Variants in LINGO2 observed in about 807,000 individuals in gnomAD.
LINGO2 encodes the protein leucine-rich repeat and immunoglobulin-like domain-containing nogo receptor-interacting protein 2.
A neutral mutation model predicts 30.6 loss-of-function variants in LINGO2; 14 were observed. That is an observed-to-expected ratio of 0.46 (90% confidence interval 0.30 to 0.72). The LOEUF is 0.72. LINGO2 is among the 30% of genes least tolerant of loss of function. The pLI is 0.07. For synonymous variants in LINGO2, 317 were observed against 288.5 expected, an observed-to-expected ratio of 1.10 and a Z score of -1.00; for missense variants, 729 against 751.7, an observed-to-expected ratio of 0.97 and a Z score of 0.35.
intron 3 of LINGO2, among the ~76,000 whole-genome samples, chr9:28,326,316 T>C (rs1485620002): frequency 1.3e-5 from 2 of 152,204 alleles, no homozygotes; most frequent in African/African-American, 2.4e-5. Flanking sequence ...CAAACTGTTT[T>C]TATAATGCTG....
intron 3 of LINGO2, among the ~76,000 whole-genome samples, chr9:28,319,643 T>C (rs1440111801): frequency 6.6e-6 from 1 of 152,112 alleles, no homozygotes; most frequent in Non-Finnish European, 1.5e-5. Context: ...TCCTGTTATA[T>C]GACATTTGGA....
chr9:28,268,189 T>C (rs939550523), intron 4 of LINGO2, among the ~76,000 whole-genome samples: 5 of 152,054 alleles, frequency 3.3e-5, no homozygotes, highest in African/African-American at 1.2e-4. Flanking sequence ...TGCTCTTGAT[T>C]TTCTGTAGCC....
the LINGO2 span, among the ~76,000 whole-genome samples, chr9:29,177,537 C>A: frequency 6.6e-6 from 1 of 151,990 alleles, no homozygotes; most frequent in African/African-American, 2.4e-5. Flanking sequence ...TCTTCAGGAA[C>A]CCAGAAAAAA....
intron 2 of LINGO2, among the ~76,000 whole-genome samples, chr9:28,472,536 A>G (rs1825565314): frequency 6.6e-6 from 1 of 152,158 alleles, no homozygotes; most frequent in African/African-American, 2.4e-5. Flanking sequence ...CGTTTAAAGA[A>G]TAAGTAATTT....
chr9:28,175,191 T>C (rs1198452002), intron 4 of LINGO2, among the ~76,000 whole-genome samples: 2 of 152,120 alleles, frequency 1.3e-5, no homozygotes, highest in African/African-American at 4.8e-5. Flanking sequence ...AATACCAGCC[T>C]GCAACAGCAA....
At chr9:28,282,410 A>G (rs964439187) in intron 4 of LINGO2, among the ~76,000 whole-genome samples, 1 of 146,226 alleles carries the variant, frequency 6.8e-6, no homozygotes, top group African/African-American at 2.6e-5. Context: ...CTTTCAGGAT[A>G]GTTTTTTTTT....
the LINGO2 span, among the ~76,000 whole-genome samples, chr9:29,145,117 T>G: frequency 2.6e-5 from 4 of 152,298 alleles, no homozygotes; most frequent in African/African-American, 9.6e-5. Context: ...ATAATTTACA[T>G]GAAGTAGAAT....
At chr9:29,059,484 A>G in the LINGO2 span, among the ~76,000 whole-genome samples, 1 of 151,726 alleles carries the variant, frequency 6.6e-6, no homozygotes, top group African/African-American at 2.4e-5. Context: ...TCAGACCTAC[A>G]ATAAACCACA....
chr9:28,060,094 A>T (rs984878854), intron 4 of LINGO2, among the ~76,000 whole-genome samples: 3 of 152,182 alleles, frequency 2.0e-5, no homozygotes, highest in African/African-American at 7.2e-5. Context: ...AGAATACATA[A>T]ATATGTAGTC....
rs1000511254 is a variant in LINGO2, at chr9:28,637,522, G to A, written c.-365+32678C>T. On this transcript the variant is annotated intron_variant, in intron 1 of 5. Coordinates refer to ENST00000379992, the Ensembl canonical transcript of LINGO2. ...TGAGCAGTGTTTTGTAATTCTCCTT[G>A]AAGAGGTCCTTCACATCACTTGTAA... 3.7e-4 allele frequency among the ~76,000 whole-genome samples: 56 copies of A among 152,040 alleles called. 1 individual carries two copies. The highest frequency in any genetic ancestry group is 2.9e-5 in the Non-Finnish European group (2 of 68,008).
the LINGO2 span, among the ~76,000 whole-genome samples, chr9:29,079,179 A>G: frequency 6.6e-6 from 1 of 151,908 alleles, no homozygotes; most frequent in African/African-American, 2.4e-5. Context: ...TGCTCTGTGG[A>G]TGAGCTGGAA....
chr9:29,075,838 G>C, the LINGO2 span, among the ~76,000 whole-genome samples: 1 of 152,078 alleles, frequency 6.6e-6, no homozygotes, highest in African/African-American at 2.4e-5. Context: ...AATTAATGCA[G>C]TGGTAGTGGT....
the LINGO2 span, among the ~76,000 whole-genome samples, chr9:29,171,016 C>T: frequency 6.6e-6 from 1 of 151,906 alleles, no homozygotes; most frequent in Non-Finnish European, 1.5e-5. Context: ...CTTTTCTTTA[C>T]TGTTTTGTCT....
At chr9:29,003,044 C>T in the LINGO2 span, among the ~76,000 whole-genome samples, 5 of 152,006 alleles carry the variant, frequency 3.3e-5, no homozygotes, top group African/African-American at 1.2e-4. Context: ...ATGAACACTA[C>T]GTGAAAATAC....
chr9:28,816,554 T>C, the LINGO2 span, among the ~76,000 whole-genome samples: 3 of 152,168 alleles, frequency 2.0e-5, no homozygotes, highest in Admixed American at 6.5e-5. Context: ...TCATTCATAG[T>C]GGCTAATTTT....
chr9:28,216,999 T>C (rs925679227), intron 4 of LINGO2, among the ~76,000 whole-genome samples: 4 of 151,814 alleles, frequency 2.6e-5, no homozygotes, highest in African/African-American at 9.7e-5. Context: ...AAAACTGTAA[T>C]GCCCTTGTTT....
chr9:28,957,158 A>T, the LINGO2 span, among the ~76,000 whole-genome samples: 1 of 152,072 alleles, frequency 6.6e-6, no homozygotes, highest in Non-Finnish European at 1.5e-5. Context: ...GTCTCTTTGG[A>T]TATCATCAGC....
the LINGO2 span, among the ~76,000 whole-genome samples, chr9:28,762,771 C>T: frequency 6.6e-6 from 1 of 151,966 alleles, no homozygotes; most frequent in Non-Finnish European, 1.5e-5. Flanking sequence ...TGTTTGCTGG[C>T]TTTTCAAAAT....
chr9:28,942,039 T>C, the LINGO2 span, among the ~76,000 whole-genome samples: 4 of 152,122 alleles, frequency 2.6e-5, 1 homozygote, highest in Non-Finnish European at 5.9e-5. Context: ...CTTCCCTTTT[T>C]TAAACCTCAC....
Sources: gnomAD v4.1 joint callset for allele counts (sites outside exome capture counted in the v4.1 genomes callset) on GRCh38, gnomAD v4.1.1 for gene constraint, MANE v1.5 for transcripts, NCBI Gene and HGNC (gene_info 2026-07-23, HGNC 2026-07-21) for gene names.